The following CSMD3 variants were observed in gnomAD, a reference collection of about 807,000 sequenced individuals.
CSMD3 encodes CUB and Sushi multiple domains 3.
In CSMD3, 177 loss-of-function variants were observed where a neutral mutation model predicts 435.2. That is an observed-to-expected ratio of 0.41 (90% confidence interval 0.36 to 0.46). CSMD3 has a LOEUF of 0.46. Among genes scored for constraint, CSMD3 ranks in the 20% least tolerant of loss-of-function variants. CSMD3 has a pLI of 0.34. For missense variants in CSMD3, 4,265 were observed against 4,504.6 expected, an observed-to-expected ratio of 0.95 and a Z score of 1.52; for synonymous variants, 1,656 against 1,520.5, an observed-to-expected ratio of 1.09 and a Z score of -2.07.
At chr8:113,399,085 A>ATG (rs1205393006) in intron 1 of CSMD3, among the ~76,000 whole-genome samples, 1 of 66,656 alleles carries the variant, frequency 1.5e-5, no homozygotes, top group Non-Finnish European at 2.6e-5. Flanking sequence ...GTTCATATAT[A>ATG]TATATATATA....
At chr8:113,190,093 A>G (rs1487380461) in intron 3 of CSMD3, among the ~76,000 whole-genome samples, 1 of 151,514 alleles carries the variant, frequency 6.6e-6, no homozygotes, top group Admixed American at 6.6e-5. Context: ...ACTTTCTGAC[A>G]TTGAAAGTAA....
chr8:112,705,636 A>T (rs1426909085), intron 13 of CSMD3, among the ~76,000 whole-genome samples: 1 of 152,020 alleles, frequency 6.6e-6, no homozygotes, highest in Non-Finnish European at 1.5e-5. Context: ...CCCCTGCATC[A>T]CAAAAAAGAT....
At chr8:112,602,596 A>T (rs949599948) in intron 22 of CSMD3, among the ~76,000 whole-genome samples, 7 of 151,186 alleles carry the variant, frequency 4.6e-5, no homozygotes, top group Non-Finnish European at 7.4e-5. Context: ...AAGAAAAGAA[A>T]ATTAGTGTCT....
At chr8:113,003,493 T>C (rs1210246705) in intron 6 of CSMD3, among the ~76,000 whole-genome samples, 1 of 152,012 alleles carries the variant, frequency 6.6e-6, no homozygotes, top group Non-Finnish European at 1.5e-5. Flanking sequence ...ATAAGGATAA[T>C]GTCTATTTTA....
At chr8:112,419,735 TC>T (rs1239386231) in intron 32 of CSMD3, among the ~76,000 whole-genome samples, 18 of 152,176 alleles carry the variant, frequency 1.2e-4, no homozygotes, top group African/African-American at 4.1e-4. Context: ...TAAAAAACCA[TC>T]TTATAAGCAA....
intron 3 of CSMD3, among the ~76,000 whole-genome samples, chr8:113,238,340 TC>T (rs929270514): frequency 1.3e-5 from 2 of 152,056 alleles, no homozygotes; most frequent in African/African-American, 4.8e-5. Context: ...GAGAAACTTT[TC>T]CCCAAGGGGA....
At chr8:113,183,497 C>T (rs142213960) in intron 3 of CSMD3, among the ~76,000 whole-genome samples, 398 of 152,006 alleles carry the variant, frequency 2.6e-3, no homozygotes, top group African/African-American at 8.9e-3. Flanking sequence ...TAAGCTTGGA[C>T]GGAAATGCAA....
At chr8:112,823,728 G>GT (rs2079593913) in intron 12 of CSMD3, among the ~76,000 whole-genome samples, 1 of 152,066 alleles carries the variant, frequency 6.6e-6, no homozygotes. Flanking sequence ...GCTGAGGAGT[G>GT]TTTTACTTCT....
At chr8:112,319,655 A>C (rs1822804380) in intron 46 of CSMD3, among the ~76,000 whole-genome samples, 1 of 152,202 alleles carries the variant, frequency 6.6e-6, no homozygotes, top group African/African-American at 2.4e-5. Flanking sequence ...GAATACAGTT[A>C]ACGGCTTCAA....
intron 28 of CSMD3, among the ~76,000 whole-genome samples, chr8:112,507,688 A>T (rs982160407): frequency 1.3e-5 from 2 of 152,136 alleles, no homozygotes; most frequent in African/African-American, 4.8e-5. Context: ...GTCCTATAAA[A>T]CTGGTTTTGT....
intron 67 of CSMD3, 77 bp downstream of exon 67, chr8:112,237,113 G>A (rs2129985387): frequency 7.0e-7 from 1 of 1,429,774 alleles, no homozygotes; most frequent in Non-Finnish European, 9.9e-7. Context: ...CATATAAAAA[G>A]CATTACTAAA....
chr8:112,316,329 C>T (rs899862145), intron 47 of CSMD3, among the ~76,000 whole-genome samples: 7 of 151,158 alleles, frequency 4.6e-5, no homozygotes, highest in African/African-American at 1.7e-4. Context: ...ATTCTTTCTC[C>T]ACCTAAAAAG....
chr8:113,203,139 C>T (rs756848674), intron 3 of CSMD3, among the ~76,000 whole-genome samples: 1 of 151,746 alleles, frequency 6.6e-6, no homozygotes, highest in Non-Finnish European at 1.5e-5. Flanking sequence ...ATTCTCATCC[C>T]CCGAAAATGA....
At chr8:112,459,285 G>GT (rs571973562) in intron 32 of CSMD3, among the ~76,000 whole-genome samples, 1 of 148,812 alleles carries the variant, frequency 6.7e-6, no homozygotes, top group African/African-American at 2.5e-5. Flanking sequence ...TATACTTTGG[G>GT]TTTTTTTTCC....
rs958850749 is a variant in CSMD3, at chr8:112,503,645, C to A, written c.5083+145G>T. The stretch of plus-strand genomic sequence containing the variant: ...TAATAAGAAAATTCTACAGTGAGAA[C>A]GCTTTTATGAGATGAACTGTACATA... On this transcript the variant is annotated intron_variant, in intron 30 of 70. Coordinates refer to ENST00000297405, the MANE Select transcript of CSMD3 (RefSeq NM_198123.2). The A allele has an allele frequency of 5.7e-6, 3 of 529,446 alleles. No individual in the cohort carries two copies. The East Asian group carries it at 9.3e-5, about 16-fold the overall frequency. The allele number at this position is 529,446 out of a possible 1,614,324, so 32.8% of individuals were successfully genotyped here.
intron 13 of CSMD3, among the ~76,000 whole-genome samples, chr8:112,787,008 T>C (rs1160194107): frequency 6.6e-6 from 1 of 152,108 alleles, no homozygotes; most frequent in East Asian, 1.9e-4. Context: ...CCTGTGTTAG[T>C]TGGCTGAGAA....
At chr8:112,964,806 A>G (rs1326832812) in intron 7 of CSMD3, among the ~76,000 whole-genome samples, 3 of 152,016 alleles carry the variant, frequency 2.0e-5, no homozygotes, top group Admixed American at 6.6e-5. Flanking sequence ...AGAGAGATCA[A>G]GCATCAACAG....
At chr8:112,507,510 T>C (rs1822661472) in intron 28 of CSMD3, among the ~76,000 whole-genome samples, 1 of 152,136 alleles carries the variant, frequency 6.6e-6, no homozygotes, top group Admixed American at 6.5e-5. Context: ...GAAATACAAA[T>C]AAATACACAC....
intron 13 of CSMD3, among the ~76,000 whole-genome samples, chr8:112,774,838 A>G (rs182025159): frequency 1.4e-4 from 22 of 152,168 alleles, no homozygotes; most frequent in Admixed American, 8.5e-4. Context: ...TACAATTTAC[A>G]GAATAATCAT....
Sources: gnomAD v4.1 joint callset for allele counts (sites outside exome capture counted in the v4.1 genomes callset) on GRCh38, gnomAD v4.1.1 for gene constraint, MANE v1.5 for transcripts, NCBI Gene and HGNC (gene_info 2026-07-23, HGNC 2026-07-21) for gene names.